Variants in SYNJ1 observed in about 807,000 individuals in gnomAD.
The protein encoded by SYNJ1 is polyphosphatidylinositol phosphatase SYNJ1.
In SYNJ1, 78 loss-of-function variants were observed where a neutral mutation model predicts 168.2. The observed-to-expected ratio is 0.46, with a 90% CI of 0.39 to 0.56. The LOEUF (loss-of-function observed/expected upper bound fraction) is 0.56. Among genes scored for constraint, SYNJ1 ranks in the 20% least tolerant of loss-of-function variants. The pLI is 0.00. For synonymous variants in SYNJ1, 539 were observed against 548.6 expected (o/e 0.98, Z 0.24); for missense variants, 1,303 against 1,597.6 (o/e 0.82, Z 3.14).
At chr21:32,670,776 T>C (rs2041154929) in intron 14 of SYNJ1, 1 of 983,630 alleles carries the variant, frequency 1.0e-6, no homozygotes, top group African/African-American at 1.8e-5. Context: ...CTGGTAACAG[T>C]TGGGAGGAAT....
chr21:32,716,709 C>T (rs542676042), intron 2 of SYNJ1, among the ~76,000 whole-genome samples: 4 of 152,304 alleles, frequency 2.6e-5, no homozygotes, highest in African/African-American at 7.2e-5. Context: ...AAAGTGCCAG[C>T]TATTATTTCT....
intron 6 of SYNJ1, among the ~76,000 whole-genome samples, chr21:32,689,117 T>C (rs2041933398): frequency 6.6e-6 from 1 of 152,206 alleles, no homozygotes; most frequent in Admixed American, 6.5e-5. Flanking sequence ...AGATGAGGCA[T>C]AATTGAGAAA....
chr21:32,721,938 C>T (rs1354620011), intron 2 of SYNJ1, among the ~76,000 whole-genome samples: 4 of 152,002 alleles, frequency 2.6e-5, no homozygotes, highest in Non-Finnish European at 5.9e-5. Flanking sequence ...GTAATCCCAG[C>T]ACTTTGGGAG....
At chr21:32,721,478 A>G (rs966279710) in intron 2 of SYNJ1, among the ~76,000 whole-genome samples, 4 of 152,158 alleles carry the variant, frequency 2.6e-5, no homozygotes, top group African/African-American at 9.7e-5. Context: ...GGAGTTTGAG[A>G]CCAGCCTGGC....
chr21:32,641,116 C>T (rs2039816087), intron 29 of SYNJ1, among the ~76,000 whole-genome samples: 1 of 152,164 alleles, frequency 6.6e-6, no homozygotes. Context: ...CTTCTATCTT[C>T]ATAGGAAGTG....
intron 22 of SYNJ1, among the ~76,000 whole-genome samples, chr21:32,652,268 T>G (rs1167283274): frequency 1.3e-5 from 2 of 151,756 alleles, no homozygotes; most frequent in African/African-American, 4.8e-5. Context: ...TGGTGCAATC[T>G]CGGCTCGCTG....
chr21:32,645,417 G>A (rs777261959), intron 25 of SYNJ1, among the ~76,000 whole-genome samples: 3 of 152,200 alleles, frequency 2.0e-5, no homozygotes, highest in Non-Finnish European at 4.4e-5. Context: ...GCTGGCTGGT[G>A]AGAAGGCAGC....
intron 2 of SYNJ1, among the ~76,000 whole-genome samples, chr21:32,717,818 G>A (rs774122461): frequency 2.0e-5 from 3 of 152,140 alleles, no homozygotes; most frequent in South Asian, 2.1e-4. Context: ...CTCATCTCTA[G>A]TACACAGCCC....
intron 7 of SYNJ1, among the ~76,000 whole-genome samples, chr21:32,687,660 T>C (rs960788723): frequency 3.3e-5 from 5 of 152,220 alleles, no homozygotes; most frequent in Admixed American, 6.5e-5. Context: ...TCAACATGTC[T>C]AAAATATCAT....
intron 2 of SYNJ1, among the ~76,000 whole-genome samples, chr21:32,706,663 T>C (rs1396744614): frequency 6.6e-6 from 1 of 152,186 alleles, no homozygotes; most frequent in Non-Finnish European, 1.5e-5. Flanking sequence ...CTTTTATCTC[T>C]GACGTTAATA....
chr21:32,661,043 C>T (rs886295140), intron 18 of SYNJ1, among the ~76,000 whole-genome samples: 13 of 152,132 alleles, frequency 8.5e-5, no homozygotes, highest in African/African-American at 3.1e-4. Context: ...CCTACCTATT[C>T]TAAGGAAGAA....
At position 32,631,229 on chromosome 21, in the gene SYNJ1, T is replaced by G. The variant is rs763470511; in HGVS notation, c.*576A>C. 1.9e-5 allele frequency: 31 copies of G among 1,614,214 alleles called. No homozygotes were observed. The East Asian group carries it at 6.9e-4, about 36-fold the overall frequency. On this transcript the variant is annotated 3_prime_UTR_variant, in exon 33 of 33. Transcript: ENST00000674351. ...CCAGTAAGTCTGAACAAGCTGACTT[T>G]GACTTCCCTTTCACACCAAAATCCT...
chr21:32,638,434 C>T (rs1337319332), intron 31 of SYNJ1, among the ~76,000 whole-genome samples: 4 of 152,176 alleles, frequency 2.6e-5, no homozygotes, highest in Admixed American at 6.5e-5. Flanking sequence ...TGGTGGCTCA[C>T]GCCTGTAATC....
In SYNJ1 at chr21:32,632,082, A is replaced by G. The variant is rs186273736; in HGVS notation, c.*4-281T>C. Among the ~76,000 whole-genome samples, 88 of 152,344 alleles carry G rather than the reference A, an allele frequency of 5.8e-4. No individual in the cohort carries two copies. The East Asian group carries it at 0.013, about 23-fold the overall frequency. ...TCATGCAAGTTTTGAAATGGTAAGAAGGAGAATTGTACAGAATTAACAAAT... is the reference window on the plus strand; with the variant it reads ...TCATGCAAGTTTTGAAATGGTAAGAGGGAGAATTGTACAGAATTAACAAAT... On this transcript the variant is annotated intron_variant, in intron 32 of 32. Coordinates refer to ENST00000674351, the MANE Select transcript of SYNJ1 (RefSeq NM_203446.3).
At chr21:32,725,859 G>T (rs1369922164) in intron 2 of SYNJ1, among the ~76,000 whole-genome samples, 3 of 151,048 alleles carry the variant, frequency 2.0e-5, no homozygotes, top group Non-Finnish European at 4.4e-5. Context: ...TTTAATTTTT[G>T]AAACAGGGTC....
At position 32,646,629 on chromosome 21, in the gene SYNJ1, A is replaced by G. The variant is rs538912586; in HGVS notation, c.3038-27T>C. On this transcript the variant is annotated intron_variant, in intron 23 of 32. Transcript: ENST00000674351. ...TAAGGAAAAGCAGGCTTGATCAGAG[A>G]TAACTCCATTTTAACTTGCTCAGAG... The G allele has an allele frequency of 7.6e-5, 119 of 1,574,012 alleles. 1 individual carries two copies. The South Asian group carries it at 1.1e-3, about 14-fold the overall frequency.
At chr21:32,644,286 C>T (rs764866692) in intron 26 of SYNJ1, among the ~76,000 whole-genome samples, 18 of 137,610 alleles carry the variant, frequency 1.3e-4, no homozygotes, top group Non-Finnish European at 2.4e-4. Context: ...TCTTATCACA[C>T]GCAGTCATTA....
chr21:32,646,616 G>T lies in SYNJ1; in HGVS notation c.3038-14C>A, dbSNP rs2040082738. ...CATCAACATCACCTAAGGAAAAGCAGGCTTGATCAGAGATAACTCCATTTT... is the reference window on the plus strand; with the variant it reads ...CATCAACATCACCTAAGGAAAAGCATGCTTGATCAGAGATAACTCCATTTT... On this transcript the variant is annotated splice_polypyrimidine_tract_variant and intron_variant, in intron 23 of 32. Transcript: ENST00000674351. 4 of 1,605,512 alleles carry T rather than the reference G, an allele frequency of 2.5e-6. No individual in the cohort carries two copies. The highest frequency in any genetic ancestry group is 2.6e-6 in the Non-Finnish European group (3 of 1,172,420).
intron 11 of SYNJ1, among the ~76,000 whole-genome samples, chr21:32,681,267 C>T (rs1052619324): frequency 6.6e-6 from 1 of 152,028 alleles, no homozygotes; most frequent in Non-Finnish European, 1.5e-5. Flanking sequence ...TGACTAGATA[C>T]GTTATATATA....
Sources: gnomAD v4.1 joint callset for allele counts (sites outside exome capture counted in the v4.1 genomes callset) on GRCh38, gnomAD v4.1.1 for gene constraint, MANE v1.5 for transcripts, NCBI Gene and HGNC (gene_info 2026-07-23, HGNC 2026-07-21) for gene names.